RBFOX1: variants seen among roughly 807,000 people sequenced by gnomAD.
The protein encoded by RBFOX1 is RNA binding fox-1 homolog 1.
Under a neutral mutation model 57.7 loss-of-function variants are expected in RBFOX1, and 8 were observed. The ratio of observed to expected loss-of-function variants is 0.14; its 90% confidence interval spans 0.08 to 0.25. The LOEUF (loss-of-function observed/expected upper bound fraction) is 0.25. Ranked by LOEUF, RBFOX1 falls within the 10% of genes least tolerant of loss-of-function variation. The probability of loss-of-function intolerance (pLI) is 1.00; values close to 1 mark genes in which losing one functional copy is unlikely to be tolerated. For synonymous variants in RBFOX1, 326 were observed against 222.4 expected, an observed-to-expected ratio of 1.47 and a Z score of -4.15; for missense variants, 611 against 548.5, an observed-to-expected ratio of 1.11 and a Z score of -1.14.
chr16:5,375,726 T>A (rs547995452), intron 1 of RBFOX1, among the ~76,000 whole-genome samples: 1 of 152,162 alleles, frequency 6.6e-6, no homozygotes, highest in Non-Finnish European at 1.5e-5. Context: ...ATGGGAAACA[T>A]CTTTGGTGGT....
intron 1 of RBFOX1, among the ~76,000 whole-genome samples, chr16:5,441,386 A>G (rs2068079864): frequency 7.3e-6 from 1 of 136,238 alleles, no homozygotes; most frequent in South Asian, 2.3e-4. Context: ...TTTTTTTGAG[A>G]CAGAGTCTCG....
chr16:5,652,457 G>A (rs566300964), intron 3 of RBFOX1, among the ~76,000 whole-genome samples: 1 of 152,244 alleles, frequency 6.6e-6, no homozygotes, highest in East Asian at 1.9e-4. Context: ...TGTATCACAT[G>A]TTACAGGAGC....
chr16:5,560,994 C>T (rs1310551016), intron 2 of RBFOX1, among the ~76,000 whole-genome samples: 2 of 152,162 alleles, frequency 1.3e-5, no homozygotes, highest in Non-Finnish European at 2.9e-5. Context: ...ATGGTTAATG[C>T]CAGGACTAAA....
chr16:5,778,833 G>A (rs368979372), intron 3 of RBFOX1, among the ~76,000 whole-genome samples: 3 of 152,154 alleles, frequency 2.0e-5, no homozygotes, highest in East Asian at 3.9e-4. Flanking sequence ...TTGGTGCCTC[G>A]GTTTTCCCAT....
In RBFOX1 at chr16:6,654,705, T is replaced by A. The variant is rs926877354; in HGVS notation, c.-16+55T>A. The A allele has an allele frequency of 9.4e-6, 13 of 1,382,678 alleles. No individual in the cohort carries two copies. The East Asian group carries it at 2.6e-4, about 27-fold the overall frequency. 85.7% of individuals were successfully genotyped at this position (1,382,678 alleles called of 1,614,324 possible). On this transcript the variant is annotated intron_variant, in intron 3 of 15. Transcript: ENST00000550418. ...GCAAACAAAACAAGAACTCTGTGAA[T>A]TGAACCCAGGTGTTTAAGGCATGCC...
chr16:6,605,681 G>C (rs1286791859), intron 2 of RBFOX1, among the ~76,000 whole-genome samples: 3 of 152,152 alleles, frequency 2.0e-5, no homozygotes, highest in African/African-American at 7.2e-5. Flanking sequence ...CTGGCTCCCC[G>C]CCAGGCTCTG....
chr16:6,719,753 T>C (rs576655414), intron 3 of RBFOX1, among the ~76,000 whole-genome samples: 1 of 152,116 alleles, frequency 6.6e-6, no homozygotes, highest in East Asian at 1.9e-4. Flanking sequence ...GCCAAAATGA[T>C]GGTTTTTTAA....
intron 2 of RBFOX1, among the ~76,000 whole-genome samples, chr16:5,554,914 G>A (rs928455320): frequency 4.6e-5 from 7 of 152,210 alleles, no homozygotes; most frequent in Non-Finnish European, 1.0e-4. Flanking sequence ...AATTAGAAGT[G>A]ACCACTTTCT....
chr16:7,176,011 T>C (rs1344427258), intron 4 of RBFOX1, among the ~76,000 whole-genome samples: 1 of 152,020 alleles, frequency 6.6e-6, no homozygotes, highest in Non-Finnish European at 1.5e-5. Context: ...AGCCATCCGA[T>C]GTGAGTGTCA....
chr16:7,631,907 T>C (rs1397152707), intron 11 of RBFOX1, among the ~76,000 whole-genome samples: 4 of 152,132 alleles, frequency 2.6e-5, no homozygotes, highest in African/African-American at 9.7e-5. Context: ...CAGCCAGTTG[T>C]TTCTCACAGT....
intron 3 of RBFOX1, among the ~76,000 whole-genome samples, chr16:5,851,734 C>G (rs1253558395): frequency 1.3e-5 from 2 of 152,188 alleles, no homozygotes; most frequent in Admixed American, 6.5e-5. Flanking sequence ...ATACTGTGTC[C>G]TTTTAAAAAG....
intron 4 of RBFOX1, among the ~76,000 whole-genome samples, chr16:7,073,792 G>T (rs535979865): frequency 1.3e-5 from 2 of 152,256 alleles, no homozygotes; most frequent in South Asian, 4.1e-4. Context: ...GAGCCCAAGA[G>T]GTCAGAGTGA....
intron 2 of RBFOX1, among the ~76,000 whole-genome samples, chr16:5,512,409 C>A (rs1017249532): frequency 3.1e-5 from 4 of 130,844 alleles, no homozygotes; most frequent in African/African-American, 1.4e-4. Context: ...TCCTCCTACT[C>A]CTCTCTCTTT....
chr16:5,603,277 A>G (rs375647096), downstream of RBFOX1, among the ~76,000 whole-genome samples: 6 of 152,326 alleles, frequency 3.9e-5, no homozygotes, highest in East Asian at 3.9e-4. Context: ...TTTCACAGGC[A>G]TTGTATCTTT....
At chr16:6,238,279 T>G (rs923962816) in intron 1 of RBFOX1, among the ~76,000 whole-genome samples, 2 of 152,140 alleles carry the variant, frequency 1.3e-5, no homozygotes, top group Admixed American at 1.3e-4. Context: ...TTTAACTTTC[T>G]TAGAAACGAA....
intron 4 of RBFOX1, among the ~76,000 whole-genome samples, chr16:7,243,651 G>T (rs903952648): frequency 6.6e-6 from 1 of 152,066 alleles, no homozygotes. Flanking sequence ...GGGCTCAAGT[G>T]ATCCTCCCAG....
At chr16:5,325,179 C>A (rs2064532273) in intron 1 of RBFOX1, among the ~76,000 whole-genome samples, 1 of 152,068 alleles carries the variant, frequency 6.6e-6, no homozygotes, top group African/African-American at 2.4e-5. Context: ...TGTGCTTGGC[C>A]CTTCTTCTCT....
chr16:6,791,185 G>A (rs1004054573), intron 3 of RBFOX1, among the ~76,000 whole-genome samples: 6 of 152,104 alleles, frequency 3.9e-5, no homozygotes, highest in South Asian at 2.1e-4. Flanking sequence ...GGGGTTACTG[G>A]TGTGAGCCAC....
At chr16:6,825,811 G>A (rs1435611041) in intron 3 of RBFOX1, among the ~76,000 whole-genome samples, 1 of 152,162 alleles carries the variant, frequency 6.6e-6, no homozygotes, top group African/African-American at 2.4e-5. Context: ...CAGAGGCAGC[G>A]ATCCTGCACA....
Sources: allele counts gnomAD v4.1 joint callset (sites outside exome capture counted in the v4.1 genomes callset), GRCh38; gene constraint gnomAD v4.1.1; transcripts MANE v1.5; gene names NCBI Gene and HGNC (gene_info 2026-07-23, HGNC 2026-07-21).